The following ITGB4 variants were observed in gnomAD, a reference collection of about 807,000 sequenced individuals.
The protein encoded by ITGB4 is integrin subunit beta 4.
In ITGB4, 159 loss-of-function variants were observed where a neutral mutation model predicts 207.6. The ratio of observed to expected loss-of-function variants is 0.77; its 90% confidence interval spans 0.67 to 0.87. ITGB4 has a LOEUF of 0.87. ITGB4 is among the 40% of genes least tolerant of loss of function. The pLI is 0.00. For missense variants in ITGB4, 2,278 were observed against 2,546.8 expected (o/e 0.89, Z 2.27); for synonymous variants, 1,020 against 1,062.7 (o/e 0.96, Z 0.78).
intron 12 of ITGB4, 93 bp from the exon 13 acceptor site, chr17:75,733,393 AAAAT>A: frequency 9.3e-7 from 1 of 1,073,636 alleles, no homozygotes; most frequent in Non-Finnish European, 1.3e-6. Context: ...CTCAAAAAAA[AAAAT>A]AAAATAATTA....
In ITGB4 at chr17:75,727,163, C is replaced by T. The variant is rs1474864106; in HGVS notation, c.80-32C>T. ...AAGTGCTTGCCTTTGCTGAGCGCCT[C>T]CCCATTCATGTGCCCACATCTGTCC... On this transcript the variant is annotated intron_variant, in intron 2 of 39. Transcript: ENST00000200181. The surrounding 1 kb of genome is among the most constrained non-coding windows in gnomAD (Gnocchi z 6.0). 1 of 1,601,134 alleles carries T rather than the reference C, an allele frequency of 6.2e-7. No homozygotes were observed. Among genetic ancestry groups the T allele is most frequent in the Non-Finnish European group, 8.6e-7 (1 of 1,169,288 alleles).
Position 75,732,988 on chromosome 17 carries a change from T to C in ITGB4, c.1455-502T>C, listed in dbSNP as rs1449261625. The stretch of plus-strand genomic sequence containing the variant: ...CTGTAATCCCAGCTACTCGGGAGGC[T>C]GAGGCAGAATTGCTTGCACCTAGAA... On this transcript the variant is annotated intron_variant, in intron 12 of 39. Transcript: ENST00000200181. The surrounding 1 kb of genome is among the most constrained non-coding windows in gnomAD (Gnocchi z 5.3). Among the ~76,000 whole-genome samples, 3 of 152,022 alleles carry C rather than the reference T, an allele frequency of 2.0e-5. No homozygotes were observed. The highest frequency in any genetic ancestry group is 1.3e-4 in the Admixed American group (2 of 15,264).
chr17:75,732,638 G>A lies in ITGB4; in HGVS notation c.1454+399G>A, dbSNP rs146110973. On this transcript the variant is annotated intron_variant, in intron 12 of 39. Transcript: ENST00000200181. The surrounding 1 kb of genome is among the most constrained non-coding windows in gnomAD (Gnocchi z 5.3). ...GGGCTTTAGCTTCAGGACACTGGGC[G>A]AGCTTGCCACAACTTGAGGCAGAGC... 3.7e-3 allele frequency among the ~76,000 whole-genome samples: 557 copies of A among 152,244 alleles called. 3 individuals are homozygous for A. Among genetic ancestry groups the A allele is most frequent in the African/African-American group, 0.012 (518 of 41,544 alleles).
rs1568343321 is a variant in ITGB4, at chr17:75,727,641, C to CT, written c.265-9dup. On this transcript the variant is annotated splice_polypyrimidine_tract_variant and intron_variant, in intron 4 of 39. Coordinates refer to ENST00000200181, the MANE Select transcript of ITGB4 (RefSeq NM_000213.5). This position sits in a 1 kb window ranked among gnomAD's most constrained non-coding sequence, Gnocchi z 6.0. Reference sequence around the variant, plus strand: ...CCCTCTAGCCAGCTGTCCCCTTCCACTGGCTGCAGGAGACCCAGATTGACA... The same window carrying CT: ...CCCTCTAGCCAGCTGTCCCCTTCCACTTGGCTGCAGGAGACCCAGATTGACA... The CT allele has an allele frequency of 6.3e-7, 1 of 1,599,230 alleles. No individual in the cohort carries two copies. Among genetic ancestry groups the CT allele is most frequent in the South Asian group, 1.1e-5 (1 of 89,508 alleles).
chr17:75,734,243 T>C (rs887061758), intron 13 of ITGB4, among the ~76,000 whole-genome samples: 2 of 150,316 alleles, frequency 1.3e-5, no homozygotes, highest in African/African-American at 4.9e-5. Context: ...TTCAGGCGAT[T>C]CTCCTGCCTC....
chr17:75,738,897 G>A (rs570699320), intron 18 of ITGB4, among the ~76,000 whole-genome samples: 1 of 152,134 alleles, frequency 6.6e-6, no homozygotes, highest in Non-Finnish European at 1.5e-5. Flanking sequence ...AGGATCACGA[G>A]TCTGGGAGTT....
Position 75,753,879 on chromosome 17 carries a change from C to T in ITGB4, c.4223C>T (p.Ser1408Phe). ...PRLSASSGRSSDAEAPHGPPD... is the reference protein window; with the variant it reads ...PRLSASSGRSFDAEAPHGPPD... The stretch of plus-strand genomic sequence containing the variant: ...CTGTCGGCCAGCAGCGGGCGCTCCT[C>T]CGACGCCGAGGCGCCCCACGGGCCC... The change falls in exon 33 of 40, where the codon TCC (serine) becomes TTC (phenylalanine). Residue 1408 changes from serine (S) to phenylalanine (F), a missense_variant. Coordinates refer to ENST00000200181, the MANE Select transcript of ITGB4 (RefSeq NM_000213.5). 3 of 1,330,252 alleles carry T rather than the reference C, an allele frequency of 2.3e-6. No individual in the cohort carries two copies. Among genetic ancestry groups the T allele is most frequent in the Admixed American group, 7.0e-5 (2 of 28,576 alleles). The allele number at this position is 1,330,252 out of a possible 1,614,324, so 82.4% of individuals were successfully genotyped here.
In ITGB4 at chr17:75,737,389, G is replaced by A. The variant is rs2061002466; in HGVS notation, c.2058G>A (p.Met686Ile). 6.4e-7 allele frequency: 1 copy of A among 1,571,180 alleles called. No homozygotes were observed. ...EDDDCTYSYT[M>I]EGDGAPGPNS... Reference sequence around the variant, plus strand: ...ACGACTGCACCTACAGCTACACCATGGAAGGTGACGGCGCCCCTGGGCCCA... The same window carrying A: ...ACGACTGCACCTACAGCTACACCATAGAAGGTGACGGCGCCCCTGGGCCCA... The change falls in exon 17 of 40, where the codon ATG (methionine) becomes ATA (isoleucine). Residue 686 changes from methionine to isoleucine, a missense_variant. By Grantham distance (10) the Met-to-Ile change is conservative (BLOSUM62 1). Transcript: ENST00000200181.
chr17:75,743,687 C>G, intron 25 of ITGB4, 26 bp from the exon 26 acceptor site: 1 of 1,613,390 alleles, frequency 6.2e-7, no homozygotes, highest in Non-Finnish European at 8.5e-7. Context: ...CCAGCACACT[C>G]TGACAAATGC....
intron 23 of ITGB4, among the ~76,000 whole-genome samples, chr17:75,741,690 C>T (rs915752066): frequency 2.0e-4 from 30 of 152,104 alleles, no homozygotes; most frequent in Non-Finnish European, 3.5e-4. Flanking sequence ...CCTGTAATCC[C>T]AGCTACTTGG....
chr17:75,745,490 G>A (rs2061213367), intron 26 of ITGB4, among the ~76,000 whole-genome samples: 1 of 152,020 alleles, frequency 6.6e-6, no homozygotes, highest in Non-Finnish European at 1.5e-5. Context: ...TCCCAACACT[G>A]TGGGAGGGCA....
chr17:75,730,559 G>A (rs776315356), intron 8 of ITGB4, 55 bp downstream of exon 8: 13 of 1,596,004 alleles, frequency 8.1e-6, no homozygotes, highest in East Asian at 2.2e-5. Context: ...GGTCCATGGA[G>A]CTTCTCAGAC....
Position 75,754,515 on chromosome 17 carries a change from T to G in ITGB4, c.4319-61T>G, listed in dbSNP as rs2061440800. ...GACCAGGAATGTGCAGGGCCCAGCCTGCCCCACGGGGCCCGGGTCTGGGGC... is the reference window on the plus strand; with the variant it reads ...GACCAGGAATGTGCAGGGCCCAGCCGGCCCCACGGGGCCCGGGTCTGGGGC... On this transcript the variant is annotated intron_variant, in intron 33 of 39. Coordinates refer to ENST00000200181, the MANE Select transcript of ITGB4 (RefSeq NM_000213.5). The G allele has an allele frequency of 1.7e-5, 28 of 1,608,742 alleles. No homozygotes were observed. The South Asian group carries it at 3.0e-4, about 17-fold the overall frequency.
intron 26 of ITGB4, among the ~76,000 whole-genome samples, chr17:75,747,825 A>G (rs961395419): frequency 6.6e-6 from 1 of 152,058 alleles, no homozygotes; most frequent in Non-Finnish European, 1.5e-5. Flanking sequence ...AATGACACTG[A>G]CGTTTTTGAA....
In ITGB4 at chr17:75,753,920, G is replaced by A. The variant is rs1473773300; in HGVS notation, c.4264G>A (p.Ala1422Thr). ...CCACGGGCCCCCGGACGACGGCGGC[G>A]CGGGCGGGAAGGGCGGCAGCCTGCC... ...APHGPPDDGG[A>T]GGKGGSLPRS... is the part of the protein sequence containing the mutation. Residue 1422 changes from alanine (A) to threonine (T), a missense_variant, in exon 33 of 40, where the codon GCG (alanine) becomes ACG (threonine). Ala to Thr is a moderately conservative substitution (Grantham distance 58). Transcript: ENST00000200181. 6.2e-6 allele frequency: 8 copies of A among 1,286,570 alleles called. No individual in the cohort carries two copies. Among genetic ancestry groups the A allele is most frequent in the Non-Finnish European group, 7.8e-6 (8 of 1,023,510 alleles). The allele number at this position is 1,286,570 out of a possible 1,614,324, so 79.7% of individuals were successfully genotyped here.
chr17:75,723,982 G>A (rs1040472837), intron 1 of ITGB4, among the ~76,000 whole-genome samples: 4 of 152,378 alleles, frequency 2.6e-5, no homozygotes, highest in East Asian at 1.9e-4. Context: ...CGCTGGGGAC[G>A]CCTTGAGGGG....
Position 75,727,255 on chromosome 17 carries a change from A to T in ITGB4, c.140A>T (p.Asp47Val). Reference protein sequence around the residue: ...SCTECVRVDKDCAYCTDEMFR... With the variant: ...SCTECVRVDKVCAYCTDEMFR... ...ACGGAGTGTGTCCGTGTGGATAAGGACTGCGCCTACTGCACAGACGAGGTG... is the reference window on the plus strand; with the variant it reads ...ACGGAGTGTGTCCGTGTGGATAAGGTCTGCGCCTACTGCACAGACGAGGTG... The change falls in exon 3 of 40, where the codon GAC becomes GTC. Residue 47 changes from aspartate to valine, a missense_variant. By Grantham distance (152) the Asp-to-Val change is radical. Transcript: ENST00000200181. This position sits in a 1 kb window ranked among gnomAD's most constrained non-coding sequence, Gnocchi z 6.0. 3 of 1,613,978 alleles carry T rather than the reference A, an allele frequency of 1.9e-6. No homozygotes were observed. The highest frequency in any genetic ancestry group is 2.5e-6 in the Non-Finnish European group (3 of 1,179,970).
chr17:75,722,935 G>C lies in ITGB4; in HGVS notation c.-11+1323G>C, dbSNP rs1057363922. On this transcript the variant is annotated intron_variant, in intron 1 of 39. Transcript: ENST00000200181. This position sits in a 1 kb window ranked among gnomAD's most constrained non-coding sequence, Gnocchi z 6.2. ...TGGAGAGTAGGTGTCCTGAGCGCTG[G>C]GCCCAGCCCATCGTGATACATCTAA... Among the ~76,000 whole-genome samples, 49 of 152,090 alleles carry C rather than the reference G, an allele frequency of 3.2e-4. No homozygotes were observed. Among genetic ancestry groups the C allele is most frequent in the African/African-American group, 1.2e-3 (48 of 41,398 alleles).
rs1285485356 is a variant in ITGB4 at position 75,756,804 on chromosome 17, G to A, written c.4998G>A (p.Arg1666=). The change falls in exon 37 of 40, where the codon AGG becomes AGA. Residue 1666 remains arginine (R), a synonymous_variant. Coordinates refer to ENST00000200181, the MANE Select transcript of ITGB4 (RefSeq NM_000213.5). ...SLQLSWERPR[R]PNGDIVGYLV... Reference sequence around the variant, plus strand: ...AGCTGAGCTGGGAGCGGCCACGGAGGCCCAATGGGGATATCGTCGGCTACC... The same window carrying A: ...AGCTGAGCTGGGAGCGGCCACGGAGACCCAATGGGGATATCGTCGGCTACC... The A allele has an allele frequency of 1.8e-5, 29 of 1,612,486 alleles. No individual in the cohort carries two copies. The highest frequency in any genetic ancestry group is 2.4e-5 in the Non-Finnish European group (28 of 1,180,024).
Sources: gnomAD v4.1 joint callset for allele counts (sites outside exome capture counted in the v4.1 genomes callset) on GRCh38, gnomAD v4.1.1 for gene constraint, Gnocchi (gnomAD v3.1) non-coding constraint, MANE v1.5 for transcripts, NCBI Gene and HGNC (gene_info 2026-07-23, HGNC 2026-07-21) for gene names.